LOC128092252: variants seen among roughly 807,000 people sequenced by gnomAD.
At chr15:50,654,013 T>C in the LOC128092252 span, among the ~76,000 whole-genome samples, 18 of 152,196 alleles carry the variant, frequency 1.2e-4, no homozygotes, top group African/African-American at 4.1e-4. Flanking sequence ...AAGTTCAAAA[T>C]AGAAGTAGAA....
the LOC128092252 span, among the ~76,000 whole-genome samples, chr15:50,681,622 A>G: frequency 1.3e-5 from 2 of 152,204 alleles, no homozygotes; most frequent in Non-Finnish European, 2.9e-5. Context: ...ACATTTTTCA[A>G]TCAGTGAACT....
chr15:50,664,170 T>C, the LOC128092252 span, among the ~76,000 whole-genome samples: 1 of 151,464 alleles, frequency 6.6e-6, no homozygotes, highest in Non-Finnish European at 1.5e-5. Context: ...TGGTGGCGTG[T>C]GCCTGTAATC....
At chr15:50,661,383 G>A in the LOC128092252 span, among the ~76,000 whole-genome samples, 6 of 152,172 alleles carry the variant, frequency 3.9e-5, no homozygotes, top group Middle Eastern at 3.4e-3. Flanking sequence ...CTGAGAAAAA[G>A]TTAAAAATAA....
the LOC128092252 span, chr15:50,686,570 C>G: frequency 3.2e-5 from 52 of 1,608,632 alleles, no homozygotes; most frequent in Admixed American, 5.0e-5. Context: ...GGCAGCAACT[C>G]CACCTCCTCC....
chr15:50,686,366 G>T, the LOC128092252 span, among the ~76,000 whole-genome samples: 1 of 152,182 alleles, frequency 6.6e-6, no homozygotes, highest in South Asian at 2.1e-4. Context: ...ACCCCAGAAC[G>T]AACTGCACAC....
At chr15:50,658,956 T>A in the LOC128092252 span, among the ~76,000 whole-genome samples, 4 of 151,930 alleles carry the variant, frequency 2.6e-5, no homozygotes, top group East Asian at 5.8e-4. Context: ...GCCAGCACTT[T>A]GGGAGGCTGA....
the LOC128092252 span, among the ~76,000 whole-genome samples, chr15:50,675,819 T>C: frequency 3.9e-5 from 6 of 152,372 alleles, no homozygotes; most frequent in Admixed American, 6.5e-5. Flanking sequence ...AGAATGCTAG[T>C]AGAGCAGGGA....
At chr15:50,664,771 G>T in the LOC128092252 span, among the ~76,000 whole-genome samples, 2 of 152,056 alleles carry the variant, frequency 1.3e-5, no homozygotes, top group African/African-American at 4.8e-5. Context: ...GACCAGCTGG[G>T]TAACACAGTG....
At chr15:50,680,063 G>C in the LOC128092252 span, among the ~76,000 whole-genome samples, 1 of 151,896 alleles carries the variant, frequency 6.6e-6, no homozygotes, top group Non-Finnish European at 1.5e-5. Flanking sequence ...GTGAAACCCT[G>C]TCTCTGCTAA....
the LOC128092252 span, among the ~76,000 whole-genome samples, chr15:50,669,992 G>A: frequency 6.6e-6 from 1 of 152,122 alleles, no homozygotes; most frequent in Non-Finnish European, 1.5e-5. Flanking sequence ...AGGAATGCAG[G>A]ATAAGCTTAC....
the LOC128092252 span, among the ~76,000 whole-genome samples, chr15:50,666,378 C>T: frequency 7.2e-5 from 11 of 151,764 alleles, no homozygotes. Context: ...GAGCTCGAGG[C>T]TGCAGCGAGC....
the LOC128092252 span, among the ~76,000 whole-genome samples, chr15:50,683,411 C>A: frequency 2.8e-4 from 43 of 151,612 alleles, no homozygotes; most frequent in Non-Finnish European, 5.0e-4. Flanking sequence ...TCAGACAACA[C>A]GAATCCACTG....
the LOC128092252 span, chr15:50,657,793 T>C: frequency 1.2e-6 from 2 of 1,611,806 alleles, no homozygotes; most frequent in Non-Finnish European, 1.7e-6. Flanking sequence ...GACGAGTTGC[T>C]GACAAATTTG....
the LOC128092252 span, among the ~76,000 whole-genome samples, chr15:50,682,302 A>C: frequency 6.6e-6 from 1 of 151,960 alleles, no homozygotes. Context: ...TAAAACCCCT[A>C]CGTGGACAGA....
chr15:50,666,660 G>C, the LOC128092252 span, among the ~76,000 whole-genome samples: 1 of 152,070 alleles, frequency 6.6e-6, no homozygotes, highest in African/African-American at 2.4e-5. Context: ...AAATTAGCCA[G>C]GCATGGTGGT....
chr15:50,681,264 T>TACACACACACACACACACACACACACAC, the LOC128092252 span, among the ~76,000 whole-genome samples: 31 of 147,020 alleles, frequency 2.1e-4, no homozygotes, highest in African/African-American at 5.4e-4. Flanking sequence ...AATAAATAAA[T>TACACACACACACACACACACACACACAC]ACACACACAC....
At chr15:50,657,165 A>C in the LOC128092252 span, among the ~76,000 whole-genome samples, 3 of 152,118 alleles carry the variant, frequency 2.0e-5, no homozygotes, top group African/African-American at 7.2e-5. Context: ...TTCTACTAAG[A>C]ATACAAAAAT....
At chr15:50,662,681 T>A in the LOC128092252 span, among the ~76,000 whole-genome samples, 1 of 152,194 alleles carries the variant, frequency 6.6e-6, no homozygotes, top group African/African-American at 2.4e-5. Context: ...CTTAACTGCC[T>A]TACCTTTGTA....
At chr15:50,672,353 G>A in the LOC128092252 span, among the ~76,000 whole-genome samples, 3 of 151,652 alleles carry the variant, frequency 2.0e-5, no homozygotes, top group East Asian at 5.8e-4. Flanking sequence ...ACCTCGCCCG[G>A]CCACTCCTAC....
Sources: allele counts gnomAD v4.1 joint callset (sites outside exome capture counted in the v4.1 genomes callset), GRCh38; gene constraint gnomAD v4.1.1; transcripts MANE v1.5.